The following ACAP2 variants were observed in gnomAD, a reference collection of about 807,000 sequenced individuals.
ACAP2 encodes the protein ArfGAP with coiled-coil, ankyrin repeat and PH domains 2.
ACAP2 carries 39 observed loss-of-function variants against 115.8 expected under a neutral mutation model. The ratio of observed to expected loss-of-function variants is 0.34; its 90% confidence interval spans 0.26 to 0.44. The LOEUF (loss-of-function observed/expected upper bound fraction) is 0.44. Ranked by LOEUF, ACAP2 falls within the 20% of genes least tolerant of loss-of-function variation. ACAP2 has a pLI of 1.00. For missense variants in ACAP2, 662 were observed against 927.6 expected (o/e 0.71, Z 3.72); for synonymous variants, 289 against 315.8 (o/e 0.92, Z 0.90).
chr3:195,323,159 T>C lies in ACAP2; in HGVS notation c.745-2346A>G, dbSNP rs576763144. ...AGGGGAATCTAATAGAAACTTTCCC[T>C]TTGAAACAGCAAACAAGACAAGAAA... On this transcript the variant is annotated intron_variant, in intron 9 of 22. Transcript: ENST00000326793. 8.5e-5 allele frequency among the ~76,000 whole-genome samples: 13 copies of C among 152,210 alleles called. No homozygotes were observed. The East Asian group carries it at 2.1e-3, about 25-fold the overall frequency.
At chr3:195,294,409 C>G (rs1190437006) in intron 18 of ACAP2, among the ~76,000 whole-genome samples, 1 of 150,182 alleles carries the variant, frequency 6.7e-6, no homozygotes, top group Non-Finnish European at 1.5e-5. Flanking sequence ...GAAACCTCGT[C>G]CCTACTAAAA....
At chr3:195,296,917 G>A (rs980072027) in intron 16 of ACAP2, among the ~76,000 whole-genome samples, 2 of 152,030 alleles carry the variant, frequency 1.3e-5, no homozygotes, top group Non-Finnish European at 1.5e-5. Flanking sequence ...ACAGAACTTT[G>A]GTCTACTTTA....
chr3:195,365,515 T>A (rs1732655217), intron 4 of ACAP2, among the ~76,000 whole-genome samples: 1 of 152,016 alleles, frequency 6.6e-6, no homozygotes, highest in Non-Finnish European at 1.5e-5. Context: ...AGAGCAGTGC[T>A]ATGATCATGC....
At chr3:195,293,249 T>C (rs1467492975) in intron 18 of ACAP2, among the ~76,000 whole-genome samples, 1 of 152,166 alleles carries the variant, frequency 6.6e-6, no homozygotes, top group Non-Finnish European at 1.5e-5. Flanking sequence ...CCTCACTTCA[T>C]TCCTAGGATG....
In ACAP2 at chr3:195,292,462, A is replaced by G. The variant is rs747967202; in HGVS notation, c.1766-10T>C. On this transcript the variant is annotated splice_polypyrimidine_tract_variant and intron_variant, in intron 18 of 22. Coordinates refer to ENST00000326793, the MANE Select transcript of ACAP2 (RefSeq NM_012287.6). ...TCTTGCCTTTCTCCTTCTGAAAAGC[A>G]AACACATACACATCAATAAAAATGA... 1.1e-5 allele frequency: 17 copies of G among 1,595,030 alleles called. No individual in the cohort carries two copies. In the East Asian group the frequency reaches 3.6e-4, roughly 33 times the overall value.
intron 22 of ACAP2, among the ~76,000 whole-genome samples, chr3:195,284,113 G>A (rs1273016025): frequency 6.6e-6 from 1 of 152,098 alleles, no homozygotes; most frequent in East Asian, 1.9e-4. Flanking sequence ...CTGACCACCT[G>A]GCTAATCAGC....
At chr3:195,401,438 G>T (rs823299) in intron 1 of ACAP2, among the ~76,000 whole-genome samples, 86 of 152,230 alleles carry the variant, frequency 5.6e-4, no homozygotes, top group Non-Finnish European at 1.0e-3. Context: ...GCCAAGGTGG[G>T]TGGATCTCTT....
chr3:195,277,489 T>TA lies in ACAP2; in HGVS notation c.*1838dup, dbSNP rs1160017436. ...AATATATTTTTATCCTTATCTAACA[T>TA]ACAGTGACCATTACTAAATAAGCAT... On this transcript the variant is annotated 3_prime_UTR_variant, in exon 23 of 23. Coordinates refer to ENST00000326793, the MANE Select transcript of ACAP2 (RefSeq NM_012287.6). 2 of 152,232 alleles carry TA rather than the reference T, an allele frequency of 1.3e-5. No homozygotes were observed. Among genetic ancestry groups the TA allele is most frequent in the African/African-American group, 4.8e-5 (2 of 41,458 alleles). 9.4% of individuals were successfully genotyped at this position (152,232 alleles called of 1,614,324 possible).
Position 195,301,662 on chromosome 3 carries a change from G to T in ACAP2, c.1326-18C>A. The T allele has an allele frequency of 6.2e-7, 1 of 1,605,360 alleles. No homozygotes were observed. Among genetic ancestry groups the T allele is most frequent in the South Asian group, 1.1e-5 (1 of 89,414 alleles). ...CAAGGCTCCTAAGTGGAAAAAAGAA[G>T]ACTGCATTACTATCAAGTCTCTGTT... On this transcript the variant is annotated intron_variant, in intron 14 of 22. Coordinates refer to ENST00000326793, the MANE Select transcript of ACAP2 (RefSeq NM_012287.6).
intron 4 of ACAP2, among the ~76,000 whole-genome samples, chr3:195,360,677 CCAG>C (rs1057248991): frequency 6.6e-6 from 1 of 152,112 alleles, no homozygotes; most frequent in Non-Finnish European, 1.5e-5. Context: ...GCCTGTAATT[CCAG>C]CAGTTTGGGA....
chr3:195,397,081 T>C (rs946677098), intron 1 of ACAP2, among the ~76,000 whole-genome samples: 1 of 152,198 alleles, frequency 6.6e-6, no homozygotes, highest in Non-Finnish European at 1.5e-5. Flanking sequence ...AAAGAAATCA[T>C]CAAATAGAAA....
intron 10 of ACAP2, among the ~76,000 whole-genome samples, chr3:195,309,299 C>T (rs12496204): frequency 0.022 from 3,290 of 152,084 alleles, 114 homozygotes; most frequent in East Asian, 0.1. Context: ...CCCAGCACTT[C>T]GGGAGGCCAA....
intron 22 of ACAP2, 173 bp from the exon 23 acceptor site, chr3:195,279,601 A>G (rs1577224094): frequency 1.2e-5 from 5 of 429,726 alleles, no homozygotes; most frequent in African/African-American, 2.1e-5. Context: ...TTATGCAATG[A>G]AAGAAAAAAA....
intron 1 of ACAP2, among the ~76,000 whole-genome samples, chr3:195,435,242 T>C (rs1031015998): frequency 3.3e-5 from 5 of 151,816 alleles, no homozygotes; most frequent in Non-Finnish European, 5.9e-5. Flanking sequence ...TGGCGTACTC[T>C]TGGCTCACTG....
intron 1 of ACAP2, among the ~76,000 whole-genome samples, chr3:195,403,244 AAC>A (rs1222419491): frequency 9.2e-5 from 14 of 152,208 alleles, no homozygotes; most frequent in Non-Finnish European, 4.4e-5. Context: ...GCCGAAACAG[AAC>A]CAGAAAGGGA....
At chr3:195,292,921 CAAAAAA>C (rs3988217) in intron 18 of ACAP2, among the ~76,000 whole-genome samples, 5 of 76,730 alleles carry the variant, frequency 6.5e-5, no homozygotes, top group South Asian at 4.7e-4. Context: ...GACTCAGTCT[CAAAAAA>C]AAAAAAAAAA....
At chr3:195,338,801 T>C (rs997841263) in intron 6 of ACAP2, among the ~76,000 whole-genome samples, 1 of 152,132 alleles carries the variant, frequency 6.6e-6, no homozygotes, top group Non-Finnish European at 1.5e-5. Context: ...TCTTTGCCAA[T>C]ACTGTCAAAA....
intron 6 of ACAP2, among the ~76,000 whole-genome samples, chr3:195,338,718 C>G (rs1342473521): frequency 6.6e-6 from 1 of 152,092 alleles, no homozygotes; most frequent in African/African-American, 2.4e-5. Context: ...TCCAGAAATT[C>G]ACAACAAACA....
chr3:195,389,945 C>A (rs1028713237), intron 2 of ACAP2, among the ~76,000 whole-genome samples: 1 of 152,202 alleles, frequency 6.6e-6, no homozygotes, highest in Non-Finnish European at 1.5e-5. Flanking sequence ...CCTGTAATCC[C>A]GGCACTTTGG....
Sources: allele counts gnomAD v4.1 joint callset (sites outside exome capture counted in the v4.1 genomes callset), GRCh38; gene constraint gnomAD v4.1.1; transcripts MANE v1.5; gene names NCBI Gene and HGNC (gene_info 2026-07-23, HGNC 2026-07-21).